CYP4X1: variants seen among roughly 807,000 people sequenced by gnomAD.
CYP4X1 encodes the protein cytochrome P450 4X1.
CYP4X1 carries 44 observed loss-of-function variants against 57.9 expected under a neutral mutation model. The observed-to-expected ratio is 0.76, with a 90% confidence interval of 0.60 to 0.98. CYP4X1 has a LOEUF of 0.98. Among genes scored for constraint, CYP4X1 ranks in the 50% least tolerant of loss-of-function variants. CYP4X1 has a pLI of 0.00. For synonymous variants in CYP4X1, 227 were observed against 228.6 expected, an observed-to-expected ratio of 0.99 and a Z score of 0.06; for missense variants, 532 against 623.9, an observed-to-expected ratio of 0.85 and a Z score of 1.57.
At chr1:46,979,964 G>A in the CYP4X1 span, among the ~76,000 whole-genome samples, 1 of 152,120 alleles carries the variant, frequency 6.6e-6, no homozygotes, top group African/African-American at 2.4e-5. Context: ...ATTAGGTATT[G>A]ATGGAACATA....
chr1:47,042,355 G>C lies in CYP4X1; in HGVS notation c.1073+2823G>C, dbSNP rs1447763116. ...TGATGGAGATTGCATTGAATCTTTG[G>C]GTAGTATGGATATTTTAACAGTATT... On this transcript the variant is annotated intron_variant, in intron 8 of 11. Coordinates refer to ENST00000371901, the MANE Select transcript of CYP4X1 (RefSeq NM_178033.2). Among the ~76,000 whole-genome samples the C allele has an allele frequency of 2.0e-5, 3 of 151,434 alleles. No individual in the cohort carries two copies. In the East Asian group the frequency reaches 5.8e-4, roughly 29 times the overall value.
At chr1:46,976,227 T>C in the CYP4X1 span, among the ~76,000 whole-genome samples, 1 of 152,058 alleles carries the variant, frequency 6.6e-6, no homozygotes, top group Non-Finnish European at 1.5e-5. Flanking sequence ...ACCAGGAAAA[T>C]TGGGACACTG....
chr1:46,961,671 C>T, the CYP4X1 span: 17 of 1,291,218 alleles, frequency 1.3e-5, no homozygotes, highest in African/African-American at 2.1e-4. Context: ...CTCTGGGAAC[C>T]CCCTAGTCTC....
the CYP4X1 span, among the ~76,000 whole-genome samples, chr1:47,017,640 C>A: frequency 6.6e-6 from 1 of 152,136 alleles, no homozygotes; most frequent in Non-Finnish European, 1.5e-5. Context: ...CCATTCTATT[C>A]AATGTCGTCC....
chr1:47,016,347 T>TG, the CYP4X1 span, among the ~76,000 whole-genome samples: 1 of 126,856 alleles, frequency 7.9e-6, no homozygotes, highest in East Asian at 3.6e-4. Context: ...CTTTTTTTTT[T>TG]AATTTTTTTT....
the CYP4X1 span, among the ~76,000 whole-genome samples, chr1:47,011,525 A>T: frequency 6.6e-6 from 1 of 152,212 alleles, no homozygotes; most frequent in Non-Finnish European, 1.5e-5. Context: ...AAAACACCAA[A>T]AGCAATGGCA....
the CYP4X1 span, among the ~76,000 whole-genome samples, chr1:46,966,496 C>T: frequency 6.6e-6 from 1 of 152,226 alleles, no homozygotes; most frequent in Admixed American, 6.5e-5. Context: ...CAATCAGTCA[C>T]TGCTTCTCTT....
chr1:46,978,302 CA>C, the CYP4X1 span, among the ~76,000 whole-genome samples: 4 of 150,448 alleles, frequency 2.7e-5, no homozygotes, highest in Non-Finnish European at 5.9e-5. Context: ...AAATGGAAAG[CA>C]AAAAAAAGGC....
the CYP4X1 span, among the ~76,000 whole-genome samples, chr1:46,988,320 C>T: frequency 3.3e-5 from 5 of 152,090 alleles, no homozygotes; most frequent in African/African-American, 7.2e-5. Context: ...CATACCCCCT[C>T]CCAAGTCTAA....
the CYP4X1 span, among the ~76,000 whole-genome samples, chr1:47,002,169 C>T: frequency 5.9e-5 from 9 of 152,344 alleles, no homozygotes; most frequent in South Asian, 1.0e-3. Context: ...TATTTCTGTA[C>T]AACACATTTT....
the CYP4X1 span, among the ~76,000 whole-genome samples, chr1:47,006,426 T>C: frequency 6.6e-6 from 1 of 152,196 alleles, no homozygotes; most frequent in African/African-American, 2.4e-5. Context: ...TAACTTTGTC[T>C]GATTCAGAAG....
At chr1:46,964,487 G>C in the CYP4X1 span, among the ~76,000 whole-genome samples, 1 of 152,174 alleles carries the variant, frequency 6.6e-6, no homozygotes, top group Non-Finnish European at 1.5e-5. Context: ...AGGTCTGCTG[G>C]TGTTTGCTGG....
the CYP4X1 span, among the ~76,000 whole-genome samples, chr1:47,004,675 AC>A: frequency 9.9e-5 from 15 of 151,916 alleles, no homozygotes; most frequent in Non-Finnish European, 2.1e-4. Flanking sequence ...AATTGAGGCC[AC>A]CTGGCTGCAG....
In CYP4X1 at chr1:47,023,930, GGCT is replaced by G; in HGVS notation, c.119_121del (p.Leu40del). 1 of 1,613,524 alleles carries G rather than the reference GGCT, an allele frequency of 6.2e-7. No individual in the cohort carries two copies. Among genetic ancestry groups the G allele is most frequent in the South Asian group, 1.1e-5 (1 of 91,046 alleles). ...ATTAAGCTGTACCTGCGGAGGCAGCGGCTGCTGCGGGACCTGCGCCCCTTCCCA... is the reference window on the plus strand; with the variant it reads ...ATTAAGCTGTACCTGCGGAGGCAGCGGCTGCGGGACCTGCGCCCCTTCCCA... On this transcript the variant is annotated inframe_deletion, in exon 1 of 12. Coordinates refer to ENST00000371901, the MANE Select transcript of CYP4X1 (RefSeq NM_178033.2).
chr1:46,982,100 T>A, the CYP4X1 span, among the ~76,000 whole-genome samples: 1 of 152,158 alleles, frequency 6.6e-6, no homozygotes, highest in Non-Finnish European at 1.5e-5. Flanking sequence ...CTGAACTTTG[T>A]GCACATGTAC....
At chr1:47,027,419 G>T (rs1032047517) in intron 1 of CYP4X1, among the ~76,000 whole-genome samples, 3 of 152,052 alleles carry the variant, frequency 2.0e-5, no homozygotes, top group African/African-American at 7.2e-5. Context: ...ATTTTGATAC[G>T]TGCATACAAT....
Position 47,038,658 on chromosome 1 carries a change from A to C in CYP4X1, c.776-2A>C. 6.3e-7 allele frequency: 1 copy of C among 1,599,714 alleles called. No homozygotes were observed. On this transcript the variant is annotated splice_acceptor_variant, in intron 6 of 11. Coordinates refer to ENST00000371901, the MANE Select transcript of CYP4X1 (RefSeq NM_178033.2). LOFTEE classifies it high-confidence loss of function. ...GTAATTGGAAACTATTTTTCTACCC[A>C]GATACAATAATCCAGGAAAGAAAGA...
intron 6 of CYP4X1, among the ~76,000 whole-genome samples, chr1:47,036,849 A>G (rs1644189096): frequency 6.6e-6 from 1 of 152,206 alleles, no homozygotes; most frequent in Admixed American, 6.5e-5. Context: ...AGCATTTAGG[A>G]CAGTGCCTGG....
At chr1:46,967,333 C>T in the CYP4X1 span, among the ~76,000 whole-genome samples, 7 of 152,126 alleles carry the variant, frequency 4.6e-5, no homozygotes, top group East Asian at 3.9e-4. Context: ...AAGGCACTGA[C>T]GTTGTGGTAG....
Sources: gnomAD v4.1 joint callset for allele counts (sites outside exome capture counted in the v4.1 genomes callset) on GRCh38, gnomAD v4.1.1 for gene constraint, MANE v1.5 for transcripts, NCBI Gene and HGNC (gene_info 2026-07-23, HGNC 2026-07-21) for gene names.